ST3GAL3: variants seen among roughly 807,000 people sequenced by gnomAD.
ST3GAL3 encodes ST3 beta-galactoside alpha-2,3-sialyltransferase 3, also known as CMP-N-acetylneuraminate-beta-1,4-galactoside alpha-2,3-sialyltransferase.
A neutral mutation model predicts 50.1 loss-of-function variants in ST3GAL3; 21 were observed. The observed-to-expected ratio is 0.42, with a 90% CI of 0.30 to 0.60. ST3GAL3 has a LOEUF of 0.60. ST3GAL3 is among the 20% of genes least tolerant of loss of function. The pLI, the probability that ST3GAL3 is intolerant of heterozygous loss-of-function variation, is 0.19. For missense variants in ST3GAL3, 353 were observed against 489.4 expected, an observed-to-expected ratio of 0.72 and a Z score of 2.63; for synonymous variants, 183 against 190.0, an observed-to-expected ratio of 0.96 and a Z score of 0.30.
chr1:43,850,702 CTGTT>C lies in ST3GAL3; in HGVS notation c.302+12394_302+12397del, dbSNP rs2067124421. 2.9e-5 allele frequency: 21 copies of C among 733,104 alleles called. No individual in the cohort carries two copies. The South Asian group carries it at 3.1e-4, about 11-fold the overall frequency. 45.4% of individuals were successfully genotyped at this position (733,104 alleles called of 1,614,324 possible). ...AAATGTTTATCAGAACAACCTGTGA[CTGTT>C]TGGTAGCCCAGCTCCGTCAGTGCCT... On this transcript the variant is annotated intron_variant, in intron 5 of 11. Transcript: ENST00000347631.
At chr1:43,798,475 C>T (rs977163640) in intron 3 of ST3GAL3, among the ~76,000 whole-genome samples, 1 of 152,212 alleles carries the variant, frequency 6.6e-6, no homozygotes, top group Non-Finnish European at 1.5e-5. Flanking sequence ...CCTCACGCTA[C>T]ATTGGCATGC....
At chr1:43,714,224 A>T (rs1368306953) in intron 1 of ST3GAL3, among the ~76,000 whole-genome samples, 1 of 150,034 alleles carries the variant, frequency 6.7e-6, no homozygotes, top group East Asian at 2.0e-4. Flanking sequence ...AGATCGTGCC[A>T]CTGCACTCCA....
chr1:43,826,185 G>C (rs1024630778), intron 4 of ST3GAL3, among the ~76,000 whole-genome samples: 1 of 152,050 alleles, frequency 6.6e-6, no homozygotes, highest in Non-Finnish European at 1.5e-5. Context: ...TTGAGCCCGA[G>C]AGGTCAAGGC....
intron 2 of ST3GAL3, among the ~76,000 whole-genome samples, chr1:43,770,889 A>T (rs1375622497): frequency 6.6e-6 from 1 of 152,252 alleles, no homozygotes; most frequent in Non-Finnish European, 1.5e-5. Flanking sequence ...GAAAGTTCTG[A>T]GCCCTGATCT....
intron 9 of ST3GAL3, among the ~76,000 whole-genome samples, chr1:43,902,640 C>T (rs2078481085): frequency 6.6e-6 from 1 of 152,240 alleles, no homozygotes; most frequent in Admixed American, 6.5e-5. Context: ...TAGGAGTTCC[C>T]AGCAGGCTGT....
At chr1:43,875,938 CTTCTTCTTCTTCTTATTA>C (rs1197033254) in intron 5 of ST3GAL3, among the ~76,000 whole-genome samples, 1,676 of 45,616 alleles carry the variant, frequency 0.037, 10 homozygotes, top group African/African-American at 0.05. Context: ...TCTTCTTCTT[CTTCTTCTTCTTCTTATTA>C]TTATTATTAT....
At chr1:43,758,825 G>A (rs1244753798) in intron 2 of ST3GAL3, among the ~76,000 whole-genome samples, 1 of 151,596 alleles carries the variant, frequency 6.6e-6, no homozygotes, top group African/African-American at 2.4e-5. Context: ...CTAGGAGTTC[G>A]AGACCAGCCT....
chr1:43,877,137 A>G (rs915337131), intron 5 of ST3GAL3, among the ~76,000 whole-genome samples: 6 of 152,178 alleles, frequency 3.9e-5, no homozygotes, highest in Non-Finnish European at 8.8e-5. Context: ...CTGCCCCTAC[A>G]GCCTCACCCA....
At chr1:43,763,616 G>A (rs1691392806) in intron 2 of ST3GAL3, among the ~76,000 whole-genome samples, 1 of 152,176 alleles carries the variant, frequency 6.6e-6, no homozygotes, top group Non-Finnish European at 1.5e-5. Context: ...GTCACCCTGA[G>A]CCACAAGAGG....
chr1:43,869,202 A>G (rs1044784333), intron 5 of ST3GAL3, among the ~76,000 whole-genome samples: 9 of 152,100 alleles, frequency 5.9e-5, no homozygotes, highest in Admixed American at 6.5e-5. Flanking sequence ...ATTTCAAGAT[A>G]CTCATCAGTA....
chr1:43,888,317 AAGACTG>A (rs2076252509), intron 5 of ST3GAL3, among the ~76,000 whole-genome samples: 2 of 152,174 alleles, frequency 1.3e-5, no homozygotes, highest in South Asian at 4.1e-4. Flanking sequence ...CAATAGGGGA[AAGACTG>A]ATAAATTTGA....
At chr1:43,861,296 A>C (rs923277787) in intron 5 of ST3GAL3, among the ~76,000 whole-genome samples, 1 of 152,176 alleles carries the variant, frequency 6.6e-6, no homozygotes, top group African/African-American at 2.4e-5. Context: ...ATAACACTAA[A>C]TAATGTCCAT....
chr1:43,743,841 A>T (rs1571942582), intron 2 of ST3GAL3: 2 of 69,500 alleles, frequency 2.9e-5, no homozygotes, highest in Non-Finnish European at 5.2e-5. Flanking sequence ...CTATTCTTTC[A>T]TTCCCCCCCC....
At chr1:43,804,330 C>G (rs2059641187) in intron 3 of ST3GAL3, among the ~76,000 whole-genome samples, 1 of 152,174 alleles carries the variant, frequency 6.6e-6, no homozygotes, top group South Asian at 2.1e-4. Context: ...AATGCCTATG[C>G]CTTCCTGATT....
intron 2 of ST3GAL3, chr1:43,739,066 A>G (rs1196382159): frequency 6.6e-6 from 1 of 152,192 alleles, no homozygotes; most frequent in African/African-American, 2.4e-5. Flanking sequence ...TGTAATCAAG[A>G]GTTTGTATGC....
intron 5 of ST3GAL3, among the ~76,000 whole-genome samples, chr1:43,854,966 T>C (rs1195557727): frequency 6.6e-6 from 1 of 152,186 alleles, no homozygotes; most frequent in Non-Finnish European, 1.5e-5. Context: ...CTTCATTCTC[T>C]TCACTGGTTC....
intron 2 of ST3GAL3, among the ~76,000 whole-genome samples, chr1:43,741,774 G>A (rs1681029285): frequency 6.6e-6 from 1 of 152,182 alleles, no homozygotes; most frequent in Admixed American, 6.5e-5. Context: ...TAGACAACAG[G>A]CAGCGTAAAA....
At chr1:43,851,595 A>C in intron 5 of ST3GAL3, 4 of 1,369,398 alleles carry the variant, frequency 2.9e-6, no homozygotes, top group Middle Eastern at 1.8e-4. Context: ...AATCAGCTCC[A>C]ATCCAGCCCT....
intron 2 of ST3GAL3, among the ~76,000 whole-genome samples, chr1:43,742,858 A>G (rs1028399954): frequency 3.3e-5 from 5 of 152,318 alleles, no homozygotes; most frequent in African/African-American, 7.2e-5. Flanking sequence ...AGAGAACACA[A>G]TGGAAATTAT....
Sources: gnomAD v4.1 joint callset for allele counts (sites outside exome capture counted in the v4.1 genomes callset) on GRCh38, gnomAD v4.1.1 for gene constraint, MANE v1.5 for transcripts, NCBI Gene and HGNC (gene_info 2026-07-23, HGNC 2026-07-21) for gene names.